Variants in UCHL5 observed in about 807,000 individuals in gnomAD.
UCHL5 encodes the protein ubiquitin carboxyl-terminal hydrolase isozyme L5.
In UCHL5, 34 loss-of-function variants were observed where a neutral mutation model predicts 53.8. That is an observed-to-expected ratio of 0.63 (90% confidence interval 0.48 to 0.84). The LOEUF is 0.84. Ranked by LOEUF, UCHL5 falls within the 40% of genes least tolerant of loss-of-function variation. The pLI, the probability that UCHL5 is intolerant of heterozygous loss-of-function variation, is 0.00. For synonymous variants in UCHL5, 111 were observed against 126.3 expected, an observed-to-expected ratio of 0.88 and a Z score of 0.81; for missense variants, 290 against 385.6, an observed-to-expected ratio of 0.75 and a Z score of 2.08.
intron 1 of UCHL5, among the ~76,000 whole-genome samples, chr1:193,058,764 C>A (rs932052629): frequency 1.3e-5 from 2 of 152,216 alleles, no homozygotes; most frequent in Admixed American, 6.5e-5. Flanking sequence ...CTTGAGAAGG[C>A]GCACCCTAGG....
In UCHL5 at chr1:193,023,040, C is replaced by A. The variant is rs752229310; in HGVS notation, c.733-4G>T. The A allele has an allele frequency of 5.6e-6, 9 of 1,603,154 alleles. No homozygotes were observed. The highest frequency in any genetic ancestry group is 1.7e-5 in the Admixed American group (1 of 59,202). ...CTTGATCTGTATCCATGGGTTCCTC[C>A]TTGGGGGAAGGAAAAGAAATAGCAC... On this transcript the variant is annotated splice_polypyrimidine_tract_variant and splice_region_variant and intron_variant, in intron 8 of 10. Coordinates refer to ENST00000367454, the MANE Select transcript of UCHL5 (RefSeq NM_001199261.3).
intron 8 of UCHL5, among the ~76,000 whole-genome samples, chr1:193,023,537 A>G (rs1657953045): frequency 6.6e-6 from 1 of 152,190 alleles, no homozygotes; most frequent in South Asian, 2.1e-4. Flanking sequence ...CTTATTTAGC[A>G]TTTACCATTT....
chr1:193,046,053 G>T (rs1338601059), intron 3 of UCHL5, among the ~76,000 whole-genome samples: 3 of 150,688 alleles, frequency 2.0e-5, no homozygotes, highest in African/African-American at 7.3e-5. Flanking sequence ...TTGTTTTTGA[G>T]ACAGGTCTTG....
At chr1:193,038,223 G>A (rs908184553) in intron 3 of UCHL5, among the ~76,000 whole-genome samples, 3 of 152,092 alleles carry the variant, frequency 2.0e-5, no homozygotes, top group Non-Finnish European at 4.4e-5. Flanking sequence ...TTGGGAGGCC[G>A]AGGCGGGCAG....
At chr1:193,016,864 C>G (rs964451970) in intron 10 of UCHL5, among the ~76,000 whole-genome samples, 2 of 151,650 alleles carry the variant, frequency 1.3e-5, no homozygotes, top group Admixed American at 1.3e-4. Context: ...TTGGTGTCAA[C>G]AAACTTTATT....
At chr1:193,057,891 C>A (rs1671170176) in intron 1 of UCHL5, among the ~76,000 whole-genome samples, 1 of 152,200 alleles carries the variant, frequency 6.6e-6, no homozygotes, top group Admixed American at 6.5e-5. Context: ...TATAGTTTGA[C>A]TGTCAATTAT....
Position 193,029,319 on chromosome 1 carries a change from A to G in UCHL5, c.435-10T>C, listed in dbSNP as rs746226954. 2 of 1,613,084 alleles carry G rather than the reference A, an allele frequency of 1.2e-6. No homozygotes were observed. Among genetic ancestry groups the G allele is most frequent in the Admixed American group, 3.3e-5 (2 of 59,854 alleles). On this transcript the variant is annotated splice_polypyrimidine_tract_variant and intron_variant, in intron 5 of 10. Transcript: ENST00000367454. ...TTCAAACATTTGCTGTCTACAGTAA[A>G]TAAAAAAATAGTGAAACTCAAAGAA...
In UCHL5 at chr1:193,049,802, G is replaced by T. The variant is rs1420609149; in HGVS notation, c.190C>A (p.Pro64Thr). ...FLFKWQPGEEPAGSVVQDSRL... is the reference protein window; with the variant it reads ...FLFKWQPGEETAGSVVQDSRL... ...GAGTCCTGAACCACAGAGCCTGCTG[G>T]TTCTTCTCCTGGCTGCCACTTGAAA... is the stretch of plus-strand genomic sequence containing the variant. Residue 64 changes from proline to threonine, a missense_variant, in exon 3 of 11, where the codon CCA becomes ACA. Coordinates refer to ENST00000367454, the MANE Select transcript of UCHL5 (RefSeq NM_001199261.3). 3 of 1,612,672 alleles carry T rather than the reference G, an allele frequency of 1.9e-6. No individual in the cohort carries two copies. Among genetic ancestry groups the T allele is most frequent in the Non-Finnish European group, 2.5e-6 (3 of 1,179,032 alleles).
chr1:193,029,532 A>T lies in UCHL5; in HGVS notation c.372T>A (p.Ala124=). The T allele has an allele frequency of 6.2e-7, 1 of 1,613,570 alleles. No individual in the cohort carries two copies. Among genetic ancestry groups the T allele is most frequent in the Non-Finnish European group, 8.5e-7 (1 of 1,179,746 alleles). The change falls in exon 4 of 11, where the codon GCT becomes GCA. Residue 124 remains alanine (A), a splice_region_variant and synonymous_variant. Transcript: ENST00000367454. Reference sequence around the variant, plus strand: ...TTAGGAATAAGAAGATTGTACTCACAGCTGCATCAAAACTTTGTGAAAATT... The same window carrying T: ...TTAGGAATAAGAAGATTGTACTCACTGCTGCATCAAAACTTTGTGAAAATT... The part of the protein sequence containing the change: ...FKEFSQSFDA[A]MKGLALSNSD...
intron 1 of UCHL5, among the ~76,000 whole-genome samples, chr1:193,055,596 T>C (rs1670379689): frequency 6.6e-6 from 1 of 152,238 alleles, no homozygotes; most frequent in South Asian, 2.1e-4. Flanking sequence ...ACTTAATAAT[T>C]CTTAACAGAT....
chr1:193,044,196 TTTAA>T (rs1264250153), intron 3 of UCHL5, among the ~76,000 whole-genome samples: 2 of 152,222 alleles, frequency 1.3e-5, no homozygotes, highest in Non-Finnish European at 2.9e-5. Context: ...TAATTTAACA[TTTAA>T]TTGATTAATA....
At chr1:193,043,677 T>G (rs1666456739) in intron 3 of UCHL5, among the ~76,000 whole-genome samples, 1 of 152,190 alleles carries the variant, frequency 6.6e-6, no homozygotes, top group Non-Finnish European at 1.5e-5. Flanking sequence ...CTCAACCTCC[T>G]GTGGGGCTGG....
chr1:193,038,398 T>C (rs1321198491), intron 3 of UCHL5, among the ~76,000 whole-genome samples: 2 of 145,288 alleles, frequency 1.4e-5, no homozygotes, highest in Non-Finnish European at 3.0e-5. Context: ...GAGCTTGCAG[T>C]GAGCCGAGAT....
intron 3 of UCHL5, among the ~76,000 whole-genome samples, chr1:193,044,888 A>G (rs1203118264): frequency 6.6e-6 from 1 of 152,212 alleles, no homozygotes; most frequent in Non-Finnish European, 1.5e-5. Flanking sequence ...TTTAATATGA[A>G]CGTTAGCAAA....
intron 3 of UCHL5, among the ~76,000 whole-genome samples, chr1:193,047,219 G>C (rs747554101): frequency 6.6e-6 from 1 of 152,160 alleles, no homozygotes; most frequent in East Asian, 1.9e-4. Context: ...TATATATGTA[G>C]TATCTAAAAC....
intron 3 of UCHL5, among the ~76,000 whole-genome samples, chr1:193,030,675 T>C (rs1289174249): frequency 6.6e-6 from 1 of 152,212 alleles, no homozygotes; most frequent in Non-Finnish European, 1.5e-5. Flanking sequence ...ATATTGTAAT[T>C]AGTCTTTCCA....
intron 3 of UCHL5, among the ~76,000 whole-genome samples, chr1:193,045,957 T>C (rs1182936913): frequency 6.6e-6 from 1 of 152,164 alleles, no homozygotes; most frequent in Non-Finnish European, 1.5e-5. Flanking sequence ...TACAAACAAC[T>C]GTGGATTTAA....
chr1:193,023,276 T>C (rs190782131), intron 8 of UCHL5, among the ~76,000 whole-genome samples: 2 of 152,284 alleles, frequency 1.3e-5, no homozygotes, highest in East Asian at 1.9e-4. Context: ...ATATACTCTA[T>C]TGCCATATTC....
At chr1:193,032,060 A>G (rs565132647) in intron 3 of UCHL5, among the ~76,000 whole-genome samples, 40 of 152,258 alleles carry the variant, frequency 2.6e-4, no homozygotes, top group African/African-American at 9.6e-4. Flanking sequence ...TTAGTTTATC[A>G]GGGCACTTCT....
Sources: gnomAD v4.1 joint callset for allele counts (sites outside exome capture counted in the v4.1 genomes callset) on GRCh38, gnomAD v4.1.1 for gene constraint, MANE v1.5 for transcripts, NCBI Gene and HGNC (gene_info 2026-07-23, HGNC 2026-07-21) for gene names.